The following CDYL2 variants were observed in gnomAD, a reference collection of about 807,000 sequenced individuals.
CDYL2 encodes chromodomain Y like 2.
Under a neutral mutation model 49.4 loss-of-function variants are expected in CDYL2, and 23 were observed. The observed-to-expected ratio is 0.47, with a 90% CI of 0.34 to 0.66. CDYL2 has a LOEUF of 0.66. CDYL2 is among the 30% of genes least tolerant of loss of function. The pLI, the probability that CDYL2 is intolerant of heterozygous loss-of-function variation, is 0.01. For missense variants in CDYL2, 678 were observed against 656.4 expected, an observed-to-expected ratio of 1.03 and a Z score of -0.36; for synonymous variants, 360 against 268.8, an observed-to-expected ratio of 1.34 and a Z score of -3.32.
intron 1 of CDYL2, among the ~76,000 whole-genome samples, chr16:80,746,935 C>T (rs974211479): frequency 2.0e-5 from 3 of 152,098 alleles, no homozygotes; most frequent in Non-Finnish European, 4.4e-5. Context: ...TGCAAATCAG[C>T]AGCCCTAGGA....
intron 1 of CDYL2, among the ~76,000 whole-genome samples, chr16:80,769,306 A>G (rs1262081526): frequency 6.6e-6 from 1 of 152,238 alleles, no homozygotes; most frequent in Non-Finnish European, 1.5e-5. Context: ...GAAAACTATT[A>G]GTAAAAGCAT....
Position 80,599,376 on chromosome 16 carries a change from C to T in CDYL2, c.*5012G>A, listed in dbSNP as rs1371013535. 6.6e-6 allele frequency: 1 copy of T among 152,130 alleles called. No individual in the cohort carries two copies. Among genetic ancestry groups the T allele is most frequent in the Non-Finnish European group, 1.5e-5 (1 of 68,024 alleles). 9.4% of individuals were successfully genotyped at this position (152,130 alleles called of 1,614,324 possible). A position where few individuals can be genotyped will look rare whatever the true frequency, so the allele number is the denominator to read the frequency against. On this transcript the variant is annotated 3_prime_UTR_variant, in exon 7 of 7. Transcript: ENST00000570137. ...AAGGAATAATAATTTCTTTTTAAGTCTAAATTCTAGTTGGTTTTATTAAAC... is the reference window on the plus strand; with the variant it reads ...AAGGAATAATAATTTCTTTTTAAGTTTAAATTCTAGTTGGTTTTATTAAAC...
At chr16:80,663,012 G>A (rs1416216632) in intron 2 of CDYL2, among the ~76,000 whole-genome samples, 2 of 151,768 alleles carry the variant, frequency 1.3e-5, no homozygotes, top group African/African-American at 4.8e-5. Context: ...ACTTACAATG[G>A]AGGACCTACA....
At chr16:80,653,515 T>A (rs1908676406) in intron 2 of CDYL2, among the ~76,000 whole-genome samples, 1 of 152,186 alleles carries the variant, frequency 6.6e-6, no homozygotes, top group Non-Finnish European at 1.5e-5. Context: ...GAAATTTATT[T>A]TAAAGAGTAT....
chr16:80,715,982 T>C (rs1355856673), intron 1 of CDYL2, among the ~76,000 whole-genome samples: 3 of 152,252 alleles, frequency 2.0e-5, no homozygotes, highest in African/African-American at 7.2e-5. Context: ...CGACCTGTGG[T>C]TACGCCCTTG....
At chr16:80,764,050 A>T (rs1310579754) in intron 1 of CDYL2, among the ~76,000 whole-genome samples, 3 of 152,198 alleles carry the variant, frequency 2.0e-5, no homozygotes, top group African/African-American at 4.8e-5. Flanking sequence ...TAAATATCCA[A>T]AGGACAAGAC....
At chr16:80,641,416 G>A (rs944235393) in intron 2 of CDYL2, among the ~76,000 whole-genome samples, 12 of 152,034 alleles carry the variant, frequency 7.9e-5, no homozygotes, top group Admixed American at 7.9e-4. Context: ...CATGAAGGGG[G>A]AATAAAGACT....
chr16:80,697,775 G>C (rs1904281880), intron 1 of CDYL2, among the ~76,000 whole-genome samples: 2 of 151,518 alleles, frequency 1.3e-5, no homozygotes, highest in Admixed American at 6.6e-5. Flanking sequence ...TAACAAACTA[G>C]CTGAAAAAGA....
chr16:80,802,325 A>C (rs1211699905), intron 1 of CDYL2, among the ~76,000 whole-genome samples: 1 of 152,216 alleles, frequency 6.6e-6, no homozygotes. Flanking sequence ...CAATTCGTAG[A>C]AAACCATGAT....
chr16:80,652,276 A>G (rs1908616816), intron 2 of CDYL2, among the ~76,000 whole-genome samples: 1 of 152,210 alleles, frequency 6.6e-6, no homozygotes, highest in Non-Finnish European at 1.5e-5. Flanking sequence ...GCAAAGCAAC[A>G]ACAAAAAAAA....
chr16:80,760,971 T>C (rs1376379227), intron 1 of CDYL2, among the ~76,000 whole-genome samples: 2 of 152,140 alleles, frequency 1.3e-5, no homozygotes, highest in Non-Finnish European at 2.9e-5. Flanking sequence ...AAATTATTAA[T>C]GCCTGGGCAG....
chr16:80,670,989 T>A (rs7195952), intron 2 of CDYL2: 2 of 455,700 alleles, frequency 4.4e-6, no homozygotes, highest in Admixed American at 2.4e-5. Flanking sequence ...CTCAGGATTT[T>A]GTCTCCTGGG....
chr16:80,719,610 T>A (rs1597097470), intron 1 of CDYL2, among the ~76,000 whole-genome samples: 2 of 152,174 alleles, frequency 1.3e-5, no homozygotes, highest in African/African-American at 4.8e-5. Flanking sequence ...CAACTTAGAA[T>A]TGAGACAAAC....
chr16:80,703,399 A>G (rs1250693768), intron 1 of CDYL2, among the ~76,000 whole-genome samples: 1 of 152,134 alleles, frequency 6.6e-6, no homozygotes. Context: ...TCAATGCTAG[A>G]TGAATGAATG....
intron 1 of CDYL2, among the ~76,000 whole-genome samples, chr16:80,695,898 G>A (rs1910597013): frequency 6.6e-6 from 1 of 152,130 alleles, no homozygotes; most frequent in South Asian, 2.1e-4. Context: ...CAGACCAAAT[G>A]AACCTACCAG....
intron 1 of CDYL2, among the ~76,000 whole-genome samples, chr16:80,787,622 C>CTG (rs977781232): frequency 6.6e-6 from 1 of 152,080 alleles, no homozygotes; most frequent in African/African-American, 2.4e-5. Context: ...TCTCTCTCCT[C>CTG]TGTGTGTGTG....
intron 1 of CDYL2, among the ~76,000 whole-genome samples, chr16:80,772,885 T>G (rs1285812558): frequency 1.3e-5 from 2 of 151,908 alleles, no homozygotes; most frequent in Admixed American, 6.6e-5. Context: ...GGCATGAAAG[T>G]AGAGAAATAG....
chr16:80,609,918 T>G (rs1297651333), intron 5 of CDYL2, among the ~76,000 whole-genome samples: 1 of 152,160 alleles, frequency 6.6e-6, no homozygotes, highest in Non-Finnish European at 1.5e-5. Context: ...GTCACTGACG[T>G]GTGACTCTGG....
intron 2 of CDYL2, among the ~76,000 whole-genome samples, chr16:80,648,917 C>T (rs7194240): frequency 0.022 from 3,346 of 152,186 alleles, 137 homozygotes; most frequent in African/African-American, 0.077. Context: ...TCAATTGGTG[C>T]TGAGAACACA....
Sources: allele counts gnomAD v4.1 joint callset (sites outside exome capture counted in the v4.1 genomes callset), GRCh38; gene constraint gnomAD v4.1.1; transcripts MANE v1.5; gene names NCBI Gene and HGNC (gene_info 2026-07-23, HGNC 2026-07-21).